Variants in ZNF286A observed in about 807,000 individuals in gnomAD.
The protein encoded by ZNF286A is zinc finger protein ZNF286.
Under a neutral mutation model 49.3 loss-of-function variants are expected in ZNF286A, and 34 were observed. That is an observed-to-expected ratio of 0.69 (90% CI 0.52 to 0.92). The LOEUF is 0.92. Ranked by LOEUF, ZNF286A falls within the 40% of genes least tolerant of loss-of-function variation. The pLI is 0.00. For synonymous variants in ZNF286A, 155 were observed against 200.4 expected, an observed-to-expected ratio of 0.77 and a Z score of 1.91; for missense variants, 462 against 600.2, an observed-to-expected ratio of 0.77 and a Z score of 2.41.
chr17:15,717,083 T>G lies in ZNF286A; in HGVS notation c.1359T>G (p.Phe453Leu). The G allele has an allele frequency of 6.2e-7, 1 of 1,614,122 alleles. No individual in the cohort carries two copies. Among genetic ancestry groups the G allele is most frequent in the Non-Finnish European group, 8.5e-7 (1 of 1,180,040 alleles). Residue 453 changes from phenylalanine (F) to leucine (L), a missense_variant, in exon 6 of 6, where the codon TTT becomes TTG. Phe to Leu is a conservative substitution (Grantham distance 22). Transcript: ENST00000583566. ...AAACCTTCAGCCGGAGCTCCAATTTTGCTAAACATCAAAGAATTCATATTG... is the reference window on the plus strand; with the variant it reads ...AAACCTTCAGCCGGAGCTCCAATTTGGCTAAACATCAAAGAATTCATATTG... ...CGKTFSRSSNFAKHQRIHIGK... is the reference protein window; with the variant it reads ...CGKTFSRSSNLAKHQRIHIGK...
At position 15,716,680 on chromosome 17, in the gene ZNF286A, T is replaced by C. The variant is rs1011258674; in HGVS notation, c.956T>C (p.Ile319Thr). 6 of 1,614,028 alleles carry C rather than the reference T, an allele frequency of 3.7e-6. No homozygotes were observed. The highest frequency in any genetic ancestry group is 5.1e-6 in the Non-Finnish European group (6 of 1,179,936). The change falls in exon 6 of 6, where the codon ATT becomes ACT. Residue 319 changes from isoleucine to threonine, a missense_variant. Coordinates refer to ENST00000583566, the MANE Select transcript of ZNF286A (RefSeq NM_001130842.2). ...TCATCCCTTGCAACACATCAGAGAA[T>C]TCACGTTGGAGAGAGACCTTATGAA... is the stretch of plus-strand genomic sequence containing the variant. ...ESSSLATHQRIHVGERPYECN... is the reference protein window; with the variant it reads ...ESSSLATHQRTHVGERPYECN...
At chr17:15,704,241 C>T in intron 3 of ZNF286A, 2 of 1,601,566 alleles carry the variant, frequency 1.2e-6, no homozygotes, top group East Asian at 2.2e-5. Context: ...ACTACAGCCG[C>T]CGCAGCGCCC....
At chr17:15,702,903 C>G (rs1179796145) in intron 3 of ZNF286A, among the ~76,000 whole-genome samples, 1 of 152,232 alleles carries the variant, frequency 6.6e-6, no homozygotes, top group African/African-American at 2.4e-5. Flanking sequence ...CCTTTTCTCT[C>G]CATGGGTTTT....
chr17:15,702,061 G>A (rs1382180239), intron 3 of ZNF286A, among the ~76,000 whole-genome samples: 1 of 151,676 alleles, frequency 6.6e-6, no homozygotes, highest in South Asian at 2.1e-4. Flanking sequence ...GGTGGAGGTT[G>A]CAGTAATCCG....
rs764514923 is a variant in ZNF286A, at chr17:15,716,099, G to A, written c.375G>A (p.Val125=). ...TRPQSKDSTS[V]QDFSKAESCK... ...CACAGAGCAAGGATTCAACTTCAGT[G>A]CAAGATTTTTCCAAAGCAGAATCAT... Residue 125 remains valine (V), a synonymous_variant, in exon 6 of 6, where the codon GTG becomes GTA. Coordinates refer to ENST00000583566, the MANE Select transcript of ZNF286A (RefSeq NM_001130842.2). The A allele has an allele frequency of 6.2e-7, 1 of 1,613,872 alleles. No homozygotes were observed. The highest frequency in any genetic ancestry group is 8.5e-7 in the Non-Finnish European group (1 of 1,179,816).
rs1204754314 is a variant in ZNF286A at position 15,707,988 on chromosome 17, TAAAAATA to T, written c.242-155_242-149del. Among the ~76,000 whole-genome samples the T allele has an allele frequency of 2.6e-5, 4 of 151,916 alleles. No individual in the cohort carries two copies. The East Asian group carries it at 7.7e-4, about 29-fold the overall frequency. Reference sequence around the variant, plus strand: ...CAATATAGTGAGATCCCATTAACTTTAAAAATAAAAAATAAAAAGTAAATTTTTATAA... The same window carrying T: ...CAATATAGTGAGATCCCATTAACTTTAAAAATAAAAAGTAAATTTTTATAA... On this transcript the variant is annotated intron_variant, in intron 4 of 5. Transcript: ENST00000583566.
At position 15,717,559 on chromosome 17, in the gene ZNF286A, A is replaced by G. The variant is rs1340886028; in HGVS notation, c.*269A>G. The stretch of plus-strand genomic sequence containing the variant: ...GGAAATTCAAGAAGTCCCTGAGAGT[A>G]GGTAGCAGTACGAACATTGTGAAAT... On this transcript the variant is annotated 3_prime_UTR_variant, in exon 6 of 6. Coordinates refer to ENST00000583566, the MANE Select transcript of ZNF286A (RefSeq NM_001130842.2). The G allele has an allele frequency of 9.8e-6, 5 of 511,358 alleles. No homozygotes were observed. The highest frequency in any genetic ancestry group is 3.8e-5 in the Admixed American group (1 of 26,232). The allele number at this position is 511,358 out of a possible 1,614,324, so 31.7% of individuals were successfully genotyped here.
chr17:15,704,945 G>A, intron 3 of ZNF286A: 3 of 1,508,684 alleles, frequency 2.0e-6, no homozygotes, highest in African/African-American at 2.8e-5. Flanking sequence ...CCCTTCCTGC[G>A]TTCTTCGGTC....
chr17:15,716,082 A>G lies in ZNF286A; in HGVS notation c.358A>G (p.Lys120Glu), dbSNP rs1487960694. Reference sequence around the variant, plus strand: ...AGACATGGAGACTAGACCACAGAGCAAGGATTCAACTTCAGTGCAAGATTT... The same window carrying G: ...AGACATGGAGACTAGACCACAGAGCGAGGATTCAACTTCAGTGCAAGATTT... ...YSDMETRPQS[K>E]DSTSVQDFSK... Residue 120 changes from lysine (K) to glutamate (E), a missense_variant, in exon 6 of 6, where the codon AAG becomes GAG. Coordinates refer to ENST00000583566, the MANE Select transcript of ZNF286A (RefSeq NM_001130842.2). 1 of 1,613,900 alleles carries G rather than the reference A, an allele frequency of 6.2e-7. No individual in the cohort carries two copies. The highest frequency in any genetic ancestry group is 8.5e-7 in the Non-Finnish European group (1 of 1,179,820).
chr17:15,709,643 CTGTA>C (rs941932341), intron 5 of ZNF286A, among the ~76,000 whole-genome samples: 1 of 151,980 alleles, frequency 6.6e-6, no homozygotes, highest in Non-Finnish European at 1.5e-5. Context: ...GTAAAACAAT[CTGTA>C]TGTTTTATTG....
At chr17:15,706,343 A>G (rs765768123) in intron 3 of ZNF286A, 44 bp from the exon 4 acceptor site, 15 of 1,531,418 alleles carry the variant, frequency 9.8e-6, no homozygotes, top group Non-Finnish European at 1.4e-5. Context: ...ATGAAAGAGA[A>G]GTAATTAAGG....
At position 15,714,181 on chromosome 17, in the gene ZNF286A, CTT is replaced by C. The variant is rs55778736; in HGVS notation, c.335-1864_335-1863del. ...CTTAGACATTTTTGAATAAAACTGG[CTT>C]TTTTTTTTTTTTTAAACCAAGAGTA... On this transcript the variant is annotated intron_variant, in intron 5 of 5. Transcript: ENST00000583566. Among the ~76,000 whole-genome samples the C allele has an allele frequency of 2.4e-3, 343 of 142,280 alleles. 1 individual carries two copies. The highest frequency in any genetic ancestry group is 3.9e-3 in the African/African-American group (151 of 39,144). 93.3% of individuals were successfully genotyped at this position (142,280 alleles called of 152,430 possible). A position where few individuals can be genotyped will look rare whatever the true frequency, so the allele number is the denominator to read the frequency against.
Position 15,716,616 on chromosome 17 carries a change from TTTGAATGCA to T in ZNF286A, c.893_901del (p.Phe298_Ser301delinsCys). ...CCAGAGAACTCATACTAGAATTCTC[TTTGAATGCA>T]GTGAATGCAAGAAAACCTTCACAGA... On this transcript the variant is annotated inframe_deletion, in exon 6 of 6. Transcript: ENST00000583566. 6.2e-7 allele frequency: 1 copy of T among 1,614,132 alleles called. No homozygotes were observed. The highest frequency in any genetic ancestry group is 8.5e-7 in the Non-Finnish European group (1 of 1,180,010).
chr17:15,709,202 A>G (rs545496116), intron 5 of ZNF286A, among the ~76,000 whole-genome samples: 4 of 150,762 alleles, frequency 2.7e-5, no homozygotes, highest in Non-Finnish European at 4.4e-5. Flanking sequence ...AAGCCCTTTT[A>G]TTCTCAGCTG....
At chr17:15,702,641 T>C (rs944622818) in intron 3 of ZNF286A, among the ~76,000 whole-genome samples, 70 of 152,224 alleles carry the variant, frequency 4.6e-4, no homozygotes, top group African/African-American at 1.6e-3. Context: ...AAAAAGTAGA[T>C]ACTGCACGTT....
intron 5 of ZNF286A, chr17:15,709,708 G>C (rs1255256575): frequency 1.0e-6 from 1 of 987,206 alleles, no homozygotes; most frequent in African/African-American, 1.7e-5. Context: ...ATTGTATTTC[G>C]ATATTAATCT....
intron 4 of ZNF286A, among the ~76,000 whole-genome samples, 183 bp downstream of exon 4, chr17:15,706,684 T>TATCA (rs1170603603): frequency 6.6e-6 from 1 of 152,262 alleles, no homozygotes; most frequent in South Asian, 2.1e-4. Flanking sequence ...GCTTGTTTTG[T>TATCA]ATCAGTATTC....
chr17:15,709,318 C>T (rs1223970061), intron 5 of ZNF286A, among the ~76,000 whole-genome samples: 3 of 146,176 alleles, frequency 2.1e-5, no homozygotes, highest in Admixed American at 6.8e-5. Flanking sequence ...GGTGAAACCC[C>T]GTCTCTACTA....
At position 15,704,147 on chromosome 17, in the gene ZNF286A, G is replaced by C. The variant is rs1990010824; in HGVS notation, c.127-2240G>C. ...GCCCCCTGTACCCTCCCCGACCCCAGCCATAATTTAAATAACTTAGAGACA... is the reference window on the plus strand; with the variant it reads ...GCCCCCTGTACCCTCCCCGACCCCACCCATAATTTAAATAACTTAGAGACA... On this transcript the variant is annotated intron_variant, in intron 3 of 5. Coordinates refer to ENST00000583566, the MANE Select transcript of ZNF286A (RefSeq NM_001130842.2). The C allele has an allele frequency of 4.8e-6, 5 of 1,043,066 alleles. No individual in the cohort carries two copies. The East Asian group carries it at 1.3e-4, about 27-fold the overall frequency. 64.6% of individuals were successfully genotyped at this position (1,043,066 alleles called of 1,614,324 possible). A position where few individuals can be genotyped will look rare whatever the true frequency, so the allele number is the denominator to read the frequency against.
Sources: gnomAD v4.1 joint callset for allele counts (sites outside exome capture counted in the v4.1 genomes callset) on GRCh38, gnomAD v4.1.1 for gene constraint, MANE v1.5 for transcripts, NCBI Gene and HGNC (gene_info 2026-07-23, HGNC 2026-07-21) for gene names.